The following ROBO2 variants were observed in gnomAD, a reference collection of about 807,000 sequenced individuals.
The protein encoded by ROBO2 is roundabout homolog 2.
ROBO2 carries 53 observed loss-of-function variants against 160.8 expected under a neutral mutation model. That is an observed-to-expected ratio of 0.33 (90% CI 0.26 to 0.41). ROBO2 has a LOEUF of 0.41. ROBO2 is among the 10% of genes least tolerant of loss of function. ROBO2 has a pLI of 1.00. For synonymous variants in ROBO2, 664 were observed against 611.7 expected (o/e 1.09, Z -1.26); for missense variants, 1,577 against 1,722.4 (o/e 0.92, Z 1.49).
chr3:77,457,084 A>T (rs1372330009), intron 2 of ROBO2, among the ~76,000 whole-genome samples: 1 of 152,182 alleles, frequency 6.6e-6, no homozygotes, highest in Non-Finnish European at 1.5e-5. Context: ...GCTTTGCCAT[A>T]TGTGAGCAAT....
intron 2 of ROBO2, among the ~76,000 whole-genome samples, chr3:76,439,555 C>T (rs1031933731): frequency 4.6e-5 from 7 of 152,078 alleles, no homozygotes; most frequent in Non-Finnish European, 1.0e-4. Flanking sequence ...GGCAGAGAAG[C>T]ATGTTCAAAG....
chr3:77,299,042 C>T (rs1430968125), intron 2 of ROBO2, among the ~76,000 whole-genome samples: 1 of 151,822 alleles, frequency 6.6e-6, no homozygotes, highest in African/African-American at 2.4e-5. Context: ...TTAAATTAGA[C>T]ATTGAATGAT....
At chr3:77,033,101 T>C (rs2063422997) in intron 2 of ROBO2, among the ~76,000 whole-genome samples, 1 of 152,214 alleles carries the variant, frequency 6.6e-6, no homozygotes, top group Non-Finnish European at 1.5e-5. Context: ...GCACTATTGT[T>C]ATCTTTGTTT....
chr3:76,651,741 CT>C (rs1351981803), intron 2 of ROBO2, among the ~76,000 whole-genome samples: 1 of 152,150 alleles, frequency 6.6e-6, no homozygotes, highest in Non-Finnish European at 1.5e-5. Context: ...CCATCTCCCC[CT>C]TTTAACTACT....
intron 2 of ROBO2, among the ~76,000 whole-genome samples, chr3:76,981,781 GA>G (rs1464136773): frequency 6.6e-6 from 1 of 152,126 alleles, no homozygotes; most frequent in Non-Finnish European, 1.5e-5. Context: ...TATGAGCTTA[GA>G]ATCATGCTGA....
chr3:75,981,327 C>T (rs533870607), intron 2 of ROBO2, among the ~76,000 whole-genome samples: 75 of 151,556 alleles, frequency 4.9e-4, no homozygotes, highest in Non-Finnish European at 9.6e-4. Flanking sequence ...AAGGACTTAT[C>T]TATCTCCTAT....
intron 24 of ROBO2, among the ~76,000 whole-genome samples, chr3:77,637,967 T>C (rs1452522139): frequency 6.6e-6 from 1 of 152,212 alleles, no homozygotes; most frequent in Non-Finnish European, 1.5e-5. Flanking sequence ...AAAGGGGTTA[T>C]GGATTATGTG....
chr3:76,799,686 G>A (rs1252970494), intron 2 of ROBO2, among the ~76,000 whole-genome samples: 1 of 151,940 alleles, frequency 6.6e-6, no homozygotes, highest in Non-Finnish European at 1.5e-5. Flanking sequence ...TCTCTACAAT[G>A]AAAAGTATAA....
chr3:75,949,791 A>C (rs1285186218), intron 2 of ROBO2, among the ~76,000 whole-genome samples: 1 of 152,060 alleles, frequency 6.6e-6, no homozygotes, highest in Non-Finnish European at 1.5e-5. Context: ...CATTCCACAG[A>C]TGACCCTTCT....
At chr3:76,435,442 G>C in intron 2 of ROBO2, 1 of 768,830 alleles carries the variant, frequency 1.3e-6, no homozygotes, top group South Asian at 1.4e-5. Flanking sequence ...AAGTGTCTCT[G>C]GGTTCTTTGC....
At chr3:76,669,225 TGAGAA>T (rs746118056) in intron 2 of ROBO2, among the ~76,000 whole-genome samples, 14 of 152,124 alleles carry the variant, frequency 9.2e-5, no homozygotes, top group Non-Finnish European at 1.9e-4. Context: ...TGAAATCTGA[TGAGAA>T]GAGAAGGCAT....
chr3:77,132,035 A>G (rs1270067565), intron 2 of ROBO2, among the ~76,000 whole-genome samples: 1 of 152,118 alleles, frequency 6.6e-6, no homozygotes, highest in African/African-American at 2.4e-5. Flanking sequence ...AAATATGTTT[A>G]AACTGGATTA....
chr3:76,902,149 T>C (rs974510907), intron 2 of ROBO2, among the ~76,000 whole-genome samples: 1 of 152,074 alleles, frequency 6.6e-6, no homozygotes, highest in African/African-American at 2.4e-5. Flanking sequence ...CGATATTATA[T>C]ATACAATGGA....
intron 2 of ROBO2, among the ~76,000 whole-genome samples, chr3:77,289,422 C>G (rs1412591405): frequency 2.7e-5 from 4 of 150,758 alleles, no homozygotes; most frequent in African/African-American, 4.9e-5. Context: ...GACACTGAGG[C>G]TAGATCACCC....
intron 2 of ROBO2, among the ~76,000 whole-genome samples, chr3:76,212,789 T>G (rs911358156): frequency 6.6e-6 from 1 of 151,890 alleles, no homozygotes; most frequent in Admixed American, 6.6e-5. Flanking sequence ...CAGCATTCCT[T>G]AATGTCACAT....
intron 2 of ROBO2, among the ~76,000 whole-genome samples, chr3:77,152,225 C>T (rs558996735): frequency 2.6e-5 from 4 of 152,004 alleles, no homozygotes; most frequent in East Asian, 1.9e-4. Flanking sequence ...AGTAGAATAA[C>T]GGAAGTACAA....
At chr3:77,604,660 A>G (rs1242411501) in intron 20 of ROBO2, among the ~76,000 whole-genome samples, 1 of 152,170 alleles carries the variant, frequency 6.6e-6, no homozygotes, top group African/African-American at 2.4e-5. Flanking sequence ...GAGAGTGATT[A>G]TTCTCTTTTT....
chr3:77,291,132 A>G (rs1163110572), intron 2 of ROBO2, among the ~76,000 whole-genome samples: 2 of 151,868 alleles, frequency 1.3e-5, no homozygotes, highest in Non-Finnish European at 2.9e-5. Context: ...CCCAGACATA[A>G]AGTAAAACTG....
At chr3:76,467,825 A>G (rs2106951178) in intron 2 of ROBO2, among the ~76,000 whole-genome samples, 1 of 152,210 alleles carries the variant, frequency 6.6e-6, no homozygotes, top group East Asian at 1.9e-4. Flanking sequence ...TTTGATAGGG[A>G]TTTGTCTTAA....
Sources: allele counts gnomAD v4.1 joint callset (sites outside exome capture counted in the v4.1 genomes callset), GRCh38; gene constraint gnomAD v4.1.1; transcripts MANE v1.5; gene names NCBI Gene and HGNC (gene_info 2026-07-23, HGNC 2026-07-21).